KLHL15: variants seen among roughly 807,000 people sequenced by gnomAD.
KLHL15 encodes kelch like family member 15.
Under a neutral mutation model 29.3 loss-of-function variants are expected in KLHL15, and 1 was observed. That is an observed-to-expected ratio of 0.03 (90% CI 0.01 to 0.16). The LOEUF is 0.16. Ranked by LOEUF, KLHL15 falls within the 10% of genes least tolerant of loss-of-function variation. The pLI, the probability that KLHL15 is intolerant of heterozygous loss-of-function variation, is 1.00. For missense variants in KLHL15, 215 were observed against 478.5 expected (o/e 0.45, Z 5.14); for synonymous variants, 212 against 184.5 (o/e 1.15, Z -1.21).
intron 2 of KLHL15, among the ~76,000 whole-genome samples, chrX:24,023,775 TGAG>T (rs1929861804): frequency 8.9e-6 from 1 of 112,261 alleles, no homozygotes; most frequent in Non-Finnish European, 1.9e-5. Flanking sequence ...TGATTAAAAA[TGAG>T]AATAAAATTA....
At position 23,983,770 on chromosome X, in the gene KLHL15, A is replaced by G. The variant is rs1400342461; in HGVS notation, c.*4151T>C. The G allele has an allele frequency of 8.9e-6, 1 of 112,454 alleles. No individual in the cohort carries two copies. The highest frequency in any genetic ancestry group is 1.9e-5 in the Non-Finnish European group (1 of 53,334). The allele number at this position is 112,454 out of a possible 1,213,427, so 9.3% of individuals were successfully genotyped here. ...TAAACTTTTCTTCATAAACACTTTT[A>G]ACATTTTTTTCAATTTAAAAACAGA... On this transcript the variant is annotated 3_prime_UTR_variant, in exon 4 of 4. Transcript: ENST00000328046.
chrX:24,024,918 C>G lies in KLHL15; in HGVS notation c.-69G>C, dbSNP rs911627491. ...TCTGCATCAGGAAGAACCGGGCCAG[C>G]GGGCCGATGGGTGGGCGGTCGGGCG... On this transcript the variant is annotated 5_prime_UTR_variant, in exon 2 of 4. Coordinates refer to ENST00000328046, the MANE Select transcript of KLHL15 (RefSeq NM_030624.3). 3.4e-6 allele frequency: 1 copy of G among 297,703 alleles called. No homozygotes were observed. 24.5% of individuals were successfully genotyped at this position (297,703 alleles called of 1,213,427 possible). A position where few individuals can be genotyped will look rare whatever the true frequency, so the allele number is the denominator to read the frequency against.
intron 2 of KLHL15, among the ~76,000 whole-genome samples, chrX:24,011,341 T>TAAA (rs565354614): frequency 3.6e-5 from 3 of 83,944 alleles, no homozygotes; most frequent in East Asian, 3.9e-4. Context: ...CACTGTCTCT[T>TAAA]AAAAAAAAAA....
At chrX:24,004,255 C>T (rs1229934706) in intron 3 of KLHL15, among the ~76,000 whole-genome samples, 2 of 111,334 alleles carry the variant, frequency 1.8e-5, no homozygotes, top group African/African-American at 6.5e-5. Context: ...ACTCGGGAGG[C>T]TGAGGCATGA....
At chrX:24,023,837 G>A (rs1457677558) in intron 2 of KLHL15, among the ~76,000 whole-genome samples, 1 of 112,126 alleles carries the variant, frequency 8.9e-6, no homozygotes, top group Non-Finnish European at 1.9e-5. Flanking sequence ...TACATTTCTA[G>A]ATCTATTAAG....
At chrX:24,014,920 T>C (rs112394814) in intron 2 of KLHL15, among the ~76,000 whole-genome samples, 1,225 of 112,192 alleles carry the variant, frequency 0.011, 21 homozygotes, top group African/African-American at 0.037. Flanking sequence ...AGAGCAACTG[T>C]GGGCACCCAC....
intron 3 of KLHL15, among the ~76,000 whole-genome samples, chrX:23,992,559 A>C (rs1258786357): frequency 8.9e-6 from 1 of 112,281 alleles, no homozygotes; most frequent in East Asian, 2.8e-4. Flanking sequence ...TGGAGATCAA[A>C]AAACAAAGGA....
chrX:24,019,190 GTTC>G (rs1032778569), intron 2 of KLHL15, among the ~76,000 whole-genome samples: 2 of 111,767 alleles, frequency 1.8e-5, no homozygotes, highest in Non-Finnish European at 3.8e-5. Flanking sequence ...TTTTCACCAA[GTTC>G]TTAACTGTTT....
At chrX:24,026,645 G>A (rs945580941) in intron 1 of KLHL15, among the ~76,000 whole-genome samples, 1 of 100,420 alleles carries the variant, frequency 1.0e-5, no homozygotes, top group Non-Finnish European at 2.0e-5. Flanking sequence ...CGCTAAAAGC[G>A]ATAATTATCT....
intron 2 of KLHL15, among the ~76,000 whole-genome samples, chrX:24,016,510 A>C (rs1437908525): frequency 9.2e-6 from 1 of 108,694 alleles, no homozygotes. Context: ...CTACAAATAA[A>C]AAAAAAATTG....
At chrX:24,008,677 C>T (rs1440032650) in intron 2 of KLHL15, among the ~76,000 whole-genome samples, 1 of 110,333 alleles carries the variant, frequency 9.1e-6, no homozygotes, top group Middle Eastern at 4.2e-3. Context: ...ATCCTCCATC[C>T]CTGAATTCTC....
chrX:24,003,089 C>A (rs1929363629), intron 3 of KLHL15, among the ~76,000 whole-genome samples: 1 of 112,461 alleles, frequency 8.9e-6, no homozygotes, highest in East Asian at 2.8e-4. Context: ...TAACAGCATG[C>A]TTCCTGCACT....
chrX:24,001,802 CAAA>C (rs766669649), intron 3 of KLHL15, among the ~76,000 whole-genome samples: 251 of 22,627 alleles, frequency 0.011, 1 homozygote, highest in African/African-American at 0.021. Flanking sequence ...AGACTTGACT[CAAA>C]AAAAAAAAAA....
At position 23,987,176 on chromosome X, in the gene KLHL15, T is replaced by C. The variant is rs973944793; in HGVS notation, c.*745A>G. 1.1e-4 allele frequency: 12 copies of C among 112,239 alleles called. No homozygotes were observed. The highest frequency in any genetic ancestry group is 9.4e-5 in the Non-Finnish European group (5 of 53,235). 9.2% of individuals were successfully genotyped at this position (112,239 alleles called of 1,213,427 possible). The stretch of plus-strand genomic sequence containing the variant: ...TGATAGCAAATGAGGACTCCAGTTA[T>C]TTCAACTTTCTAAAAATGTTAATAT... On this transcript the variant is annotated 3_prime_UTR_variant, in exon 4 of 4. Coordinates refer to ENST00000328046, the MANE Select transcript of KLHL15 (RefSeq NM_030624.3).
chrX:24,010,933 A>T (rs1380442390), intron 2 of KLHL15, among the ~76,000 whole-genome samples: 1 of 110,672 alleles, frequency 9.0e-6, no homozygotes, highest in Non-Finnish European at 1.9e-5. Flanking sequence ...TATGGAGATG[A>T]GTGCCATTTG....
chrX:24,022,722 GTT>G (rs530143102), intron 2 of KLHL15, among the ~76,000 whole-genome samples: 1 of 99,751 alleles, frequency 1.0e-5, no homozygotes, highest in East Asian at 3.1e-4. Context: ...CTGTTTCGCG[GTT>G]TTTTTTTTTT....
chrX:23,998,301 G>C (rs1389430001), intron 3 of KLHL15, among the ~76,000 whole-genome samples: 1 of 109,522 alleles, frequency 9.1e-6, no homozygotes, highest in African/African-American at 3.3e-5. Context: ...CTGTTGCCCA[G>C]GCTGGAGTGC....
At chrX:24,010,652 G>T (rs1360687926) in intron 2 of KLHL15, among the ~76,000 whole-genome samples, 1 of 111,887 alleles carries the variant, frequency 8.9e-6, no homozygotes, top group Non-Finnish European at 1.9e-5. Flanking sequence ...AGAGCACTAA[G>T]GATGTGGCAG....
At chrX:24,010,529 A>T (rs924888321) in intron 2 of KLHL15, among the ~76,000 whole-genome samples, 1 of 112,395 alleles carries the variant, frequency 8.9e-6, no homozygotes, top group African/African-American at 3.2e-5. Context: ...GATATGGACA[A>T]ATCTCTGGGA....
Sources: allele counts gnomAD v4.1 joint callset (sites outside exome capture counted in the v4.1 genomes callset), GRCh38; gene constraint gnomAD v4.1.1; transcripts MANE v1.5; gene names NCBI Gene and HGNC (gene_info 2026-07-23, HGNC 2026-07-21).